TMEM184B: variants seen among roughly 807,000 people sequenced by gnomAD.
TMEM184B encodes putative MAPK-activating protein FM08.
A neutral mutation model predicts 41.8 loss-of-function variants in TMEM184B; 17 were observed. That is an observed-to-expected ratio of 0.41 (90% CI 0.28 to 0.61). The LOEUF is 0.61. Among genes scored for constraint, TMEM184B ranks in the 20% least tolerant of loss-of-function variants. The pLI, the probability that TMEM184B is intolerant of heterozygous loss-of-function variation, is 0.34. For missense variants in TMEM184B, 393 were observed against 557.8 expected, an observed-to-expected ratio of 0.70 and a Z score of 2.98; for synonymous variants, 240 against 229.5, an observed-to-expected ratio of 1.05 and a Z score of -0.41.
Position 38,220,622 on chromosome 22 carries a change from G to A in TMEM184B, c.*847C>T. On this transcript the variant is annotated 3_prime_UTR_variant, in exon 9 of 9. Transcript: ENST00000361906. ...CAAAGAGAGAGAGGACCCAGCATCA[G>A]CCTGGGAAGGAGGGCTGGGAGCCCC... 12 of 986,226 alleles carry A rather than the reference G, an allele frequency of 1.2e-5. No individual in the cohort carries two copies. Among genetic ancestry groups the A allele is most frequent in the Non-Finnish European group, 1.4e-5 (12 of 830,202 alleles). The allele number at this position is 986,226 out of a possible 1,614,324, so 61.1% of individuals were successfully genotyped here.
chr22:38,245,535 C>A (rs1340029116), intron 3 of TMEM184B, among the ~76,000 whole-genome samples: 1 of 143,010 alleles, frequency 7.0e-6, no homozygotes, highest in East Asian at 2.1e-4. Flanking sequence ...GAAGCGAGAC[C>A]CAGGGGGAGG....
intron 1 of TMEM184B, among the ~76,000 whole-genome samples, chr22:38,255,915 G>C (rs1175023637): frequency 6.6e-6 from 1 of 152,220 alleles, no homozygotes; most frequent in African/African-American, 2.4e-5. Context: ...GGTACCAGGG[G>C]AGTTCCTTCC....
chr22:38,219,443 G>A lies in TMEM184B; in HGVS notation c.*2026C>T, dbSNP rs896222697. The A allele has an allele frequency of 4.5e-5, 44 of 985,510 alleles. No individual in the cohort carries two copies. The highest frequency in any genetic ancestry group is 5.2e-5 in the Non-Finnish European group (43 of 829,912). 61.0% of individuals were successfully genotyped at this position (985,510 alleles called of 1,614,324 possible). A position where few individuals can be genotyped will look rare whatever the true frequency, so the allele number is the denominator to read the frequency against. On this transcript the variant is annotated 3_prime_UTR_variant, in exon 9 of 9. Coordinates refer to ENST00000361906, the MANE Select transcript of TMEM184B (RefSeq NM_012264.5). ...AGTCATACAACAAGATACAAAACTA[G>A]GAGACTCTGTCTTCTCATACATCAT...
At chr22:38,263,024 T>C (rs188935702) in intron 1 of TMEM184B, among the ~76,000 whole-genome samples, 2 of 152,318 alleles carry the variant, frequency 1.3e-5, no homozygotes, top group African/African-American at 2.4e-5. Flanking sequence ...TGCCTCAGCC[T>C]CTAGAGCAGC....
At chr22:38,251,815 C>G (rs1349768167) in intron 1 of TMEM184B, among the ~76,000 whole-genome samples, 1 of 152,110 alleles carries the variant, frequency 6.6e-6, no homozygotes, top group Non-Finnish European at 1.5e-5. Context: ...ATCCATGTCT[C>G]CCCTTTTCCA....
intron 8 of TMEM184B, chr22:38,224,201 G>C (rs1218536500): frequency 6.6e-6 from 1 of 151,926 alleles, no homozygotes; most frequent in African/African-American, 2.4e-5. Flanking sequence ...TGCAAGCTCC[G>C]CCTCCTGGAT....
intron 1 of TMEM184B, among the ~76,000 whole-genome samples, chr22:38,255,440 G>A (rs2092261480): frequency 6.6e-6 from 1 of 152,236 alleles, no homozygotes; most frequent in Admixed American, 6.5e-5. Flanking sequence ...CCAGAGTGCT[G>A]GGATTACAGG....
downstream of TMEM184B, chr22:38,216,485 ATTCT>A (rs1364157791): frequency 1.2e-5 from 2 of 164,712 alleles, no homozygotes; most frequent in African/African-American, 2.4e-5. Flanking sequence ...ATAAAGTCAA[ATTCT>A]TTCTTTTTCC....
chr22:38,238,617 T>C (rs372676324), intron 3 of TMEM184B, among the ~76,000 whole-genome samples: 3 of 152,380 alleles, frequency 2.0e-5, no homozygotes, highest in African/African-American at 7.2e-5. Flanking sequence ...GGCTCTTGTG[T>C]GGCCCTGCAC....
intron 1 of TMEM184B, among the ~76,000 whole-genome samples, chr22:38,252,569 C>T (rs2145722464): frequency 6.6e-6 from 1 of 152,052 alleles, no homozygotes; most frequent in Non-Finnish European, 1.5e-5. Flanking sequence ...GACCTGGAGG[C>T]CTCTTCCCCT....
At chr22:38,272,560 T>C in intron 1 of TMEM184B, 1 of 985,704 alleles carries the variant, frequency 1.0e-6, no homozygotes, top group Non-Finnish European at 1.2e-6. Context: ...GCAAAGCGCC[T>C]TGGTCCATCC....
chr22:38,251,901 T>TG (rs1006948786), intron 1 of TMEM184B, among the ~76,000 whole-genome samples: 1 of 151,664 alleles, frequency 6.6e-6, no homozygotes, highest in African/African-American at 2.4e-5. Context: ...ATGCTGTTTT[T>TG]TTTTTTTTTT....
intron 3 of TMEM184B, among the ~76,000 whole-genome samples, chr22:38,241,883 C>CAAAAAAAAAAAAAAAAAAAAAA (rs34060428): frequency 3.1e-5 from 1 of 32,610 alleles, no homozygotes; most frequent in African/African-American, 9.3e-5. Flanking sequence ...GACTCCGTCT[C>CAAAAAAAAAAAAAAAAAAAAAA]AAAAAAAAAA....
At chr22:38,265,577 T>C (rs139350397) in intron 1 of TMEM184B, among the ~76,000 whole-genome samples, 1 of 152,250 alleles carries the variant, frequency 6.6e-6, no homozygotes, top group East Asian at 1.9e-4. Flanking sequence ...ATAGGTGCAA[T>C]AATTTCAAGG....
rs2091246706 is a variant in TMEM184B, at chr22:38,221,123, AG to A, written c.*345del. The A allele has an allele frequency of 4.4e-6, 5 of 1,130,538 alleles. No individual in the cohort carries two copies. Among genetic ancestry groups the A allele is most frequent in the Non-Finnish European group, 5.4e-6 (5 of 920,226 alleles). The allele number at this position is 1,130,538 out of a possible 1,614,324, so 70.0% of individuals were successfully genotyped here. A position where few individuals can be genotyped will look rare whatever the true frequency, so the allele number is the denominator to read the frequency against. ...AGTCTCGCGGGGAGGAGGGGCTAGA[AG>A]GCTGCAGCCGCTGGTCCACACACAA... On this transcript the variant is annotated 3_prime_UTR_variant, in exon 9 of 9. Coordinates refer to ENST00000361906, the MANE Select transcript of TMEM184B (RefSeq NM_012264.5).
chr22:38,254,204 C>CCAA (rs2092231967), intron 1 of TMEM184B, among the ~76,000 whole-genome samples: 1 of 86,570 alleles, frequency 1.2e-5, no homozygotes, highest in East Asian at 3.4e-4. Flanking sequence ...CTCTTGTCTC[C>CCAA]AAAAAAAAAA....
intron 3 of TMEM184B, chr22:38,231,866 G>C (rs534634257): frequency 4.6e-6 from 1 of 216,476 alleles, no homozygotes. Flanking sequence ...CCTGGGAGTG[G>C]GGGATCACCA....
downstream of TMEM184B, among the ~76,000 whole-genome samples, chr22:38,218,206 T>C (rs2091173653): frequency 6.6e-6 from 1 of 152,208 alleles, no homozygotes; most frequent in Admixed American, 6.5e-5. Flanking sequence ...CCCTGTGTCT[T>C]GTCCTAGGCC....
intron 3 of TMEM184B, among the ~76,000 whole-genome samples, chr22:38,235,203 C>A (rs1170099156): frequency 2.0e-5 from 3 of 152,202 alleles, no homozygotes; most frequent in Non-Finnish European, 4.4e-5. Context: ...CACTCTCATT[C>A]CAACACTGGA....
Sources: gnomAD v4.1 joint callset for allele counts (sites outside exome capture counted in the v4.1 genomes callset) on GRCh38, gnomAD v4.1.1 for gene constraint, MANE v1.5 for transcripts, NCBI Gene and HGNC (gene_info 2026-07-23, HGNC 2026-07-21) for gene names.